HCRTR1: variants seen among roughly 807,000 people sequenced by gnomAD.
HCRTR1 encodes hypocretin receptor 1, also known as orexin/Hypocretin receptor type 1.
A neutral mutation model predicts 40.6 loss-of-function variants in HCRTR1; 28 were observed. The ratio of observed to expected loss-of-function variants is 0.69; its 90% CI spans 0.51 to 0.95. HCRTR1 has a LOEUF of 0.95. Among genes scored for constraint, HCRTR1 ranks in the 40% least tolerant of loss-of-function variants. The probability of loss-of-function intolerance (pLI) is 0.00; values close to 1 mark genes in which losing one functional copy is unlikely to be tolerated. For synonymous variants in HCRTR1, 209 were observed against 230.0 expected (o/e 0.91, Z 0.83); for missense variants, 482 against 564.7 (o/e 0.85, Z 1.48).
In HCRTR1 at chr1:31,619,597, T is replaced by C. The variant is rs1307483513; in HGVS notation, c.265T>C (p.Ser89Pro). The change falls in exon 4 of 9, where the codon TCC (serine) becomes CCC (proline). Residue 89 changes from serine (S) to proline (P), a missense_variant. Coordinates refer to ENST00000403528, the MANE Select transcript of HCRTR1 (RefSeq NM_001525.3). The part of the protein sequence containing the change: ...TVTNYFIVNL[S>P]LADVLVTAIC... Reference sequence around the variant, plus strand: ...CACCAACTACTTCATTGTCAACCTGTCCCTGGCTGACGTTCTGGTGACTGC... The same window carrying C: ...CACCAACTACTTCATTGTCAACCTGCCCCTGGCTGACGTTCTGGTGACTGC... 1.2e-6 allele frequency: 2 copies of C among 1,614,080 alleles called. No homozygotes were observed. The highest frequency in any genetic ancestry group is 1.7e-5 in the Admixed American group (1 of 60,012).
downstream of HCRTR1, among the ~76,000 whole-genome samples, chr1:31,631,466 C>T (rs1640101507): frequency 6.6e-6 from 1 of 152,180 alleles, no homozygotes; most frequent in Non-Finnish European, 1.5e-5. Context: ...CACTGGGATG[C>T]TTCCTTCCTT....
rs756675185 is a variant in HCRTR1 at position 31,621,105 on chromosome 1, A to C, written c.622+19A>C. 2 of 1,593,602 alleles carry C rather than the reference A, an allele frequency of 1.3e-6. No individual in the cohort carries two copies. The highest frequency in any genetic ancestry group is 2.2e-5 in the South Asian group (2 of 90,440). On this transcript the variant is annotated intron_variant, in intron 5 of 8. Transcript: ENST00000403528. ...TGGGCAGGTAATGGTGGAAGCCTCA[A>C]GCAGGCATCCCCTCAGGTGGGCACT...
chr1:31,633,110 T>C (rs749706157), downstream of HCRTR1: 2 of 1,574,272 alleles, frequency 1.3e-6, no homozygotes, highest in East Asian at 4.5e-5. Context: ...CTGTCCACTA[T>C]CAGGTGGCTC....
downstream of HCRTR1, among the ~76,000 whole-genome samples, chr1:31,628,649 CAAAG>C (rs1263410246): frequency 6.6e-6 from 1 of 152,228 alleles, no homozygotes; most frequent in Non-Finnish European, 1.5e-5. Flanking sequence ...TCAGTGGGAA[CAAAG>C]AAACAACAGG....
rs1482342936 is a variant in HCRTR1 at position 31,619,251 on chromosome 1, C to T, written c.59C>T (p.Pro20Leu). ...GGGGTCCCCCCTGGCAGCAGAGAGC[C>T]GTCCCCTGTGCCTCCAGACTATGAA... ...QMGVPPGSRE[P>L]SPVPPDYEDE... Residue 20 changes from proline (P) to leucine (L), a missense_variant, in exon 3 of 9, where the codon CCG (proline) becomes CTG (leucine). By Grantham distance (98) the Pro-to-Leu change is moderately conservative. Coordinates refer to ENST00000403528, the MANE Select transcript of HCRTR1 (RefSeq NM_001525.3). 4 of 1,613,884 alleles carry T rather than the reference C, an allele frequency of 2.5e-6. No individual in the cohort carries two copies. The highest frequency in any genetic ancestry group is 3.4e-6 in the Non-Finnish European group (4 of 1,180,026).
chr1:31,621,325 A>G, intron 5 of HCRTR1, 152 bp from the exon 6 acceptor site: 2 of 794,858 alleles, frequency 2.5e-6, no homozygotes, highest in East Asian at 4.9e-5. Context: ...AAGTTGGACA[A>G]CTCCAGGGTC....
At chr1:31,621,647 G>A (rs1271401335) in intron 6 of HCRTR1, 55 bp downstream of exon 6, 2 of 1,258,398 alleles carry the variant, frequency 1.6e-6, no homozygotes, top group East Asian at 4.6e-5. Flanking sequence ...CTGGGGGTGG[G>A]AGGGCTACTG....
chr1:31,634,079 T>C (rs1165767288), downstream of HCRTR1, among the ~76,000 whole-genome samples: 1 of 152,084 alleles, frequency 6.6e-6, no homozygotes, highest in Non-Finnish European at 1.5e-5. Context: ...CCATGGGCAG[T>C]TGTGGAGGAC....
Position 31,625,076 on chromosome 1 carries a change from G to A in HCRTR1, c.1045G>A (p.Ala349Thr), listed in dbSNP as rs200448936. The change falls in exon 8 of 9, where the codon GCC (alanine) becomes ACC (threonine). Residue 349 changes from alanine to threonine, a missense_variant. Transcript: ENST00000403528. This position sits in a 1 kb window ranked among gnomAD's most constrained non-coding sequence, Gnocchi z 4.2. ...CFTFSHWLVY[A>T]NSAANPIIYN... is the part of the protein sequence containing the mutation. ...CACCTTCTCCCACTGGCTGGTGTAC[G>A]CCAACAGCGCTGCCAACCCCATCAT... 8.7e-6 allele frequency: 14 copies of A among 1,612,182 alleles called. No individual in the cohort carries two copies. Among genetic ancestry groups the A allele is most frequent in the Admixed American group, 5.0e-5 (3 of 59,834 alleles).
downstream of HCRTR1, chr1:31,633,150 G>A (rs775591879): frequency 6.2e-7 from 1 of 1,611,624 alleles, no homozygotes; most frequent in East Asian, 2.2e-5. Flanking sequence ...GGGCAAGGCG[G>A]AGACTCACTT....
intron 5 of HCRTR1, 28 bp downstream of exon 5, chr1:31,621,114 C>T: frequency 6.3e-7 from 1 of 1,589,090 alleles, no homozygotes. Context: ...AAGCAGGCAT[C>T]CCCTCAGGTG....
At chr1:31,634,045 C>T (rs1376868178), downstream of HCRTR1, among the ~76,000 whole-genome samples, 3 of 152,128 alleles carry the variant, frequency 2.0e-5, no homozygotes, top group South Asian at 2.1e-4. Flanking sequence ...TGGCCACAAT[C>T]GGGGTCCCTT....
At chr1:31,622,675 C>T (rs1314469596) in intron 6 of HCRTR1, among the ~76,000 whole-genome samples, 1 of 152,184 alleles carries the variant, frequency 6.6e-6, no homozygotes, top group African/African-American at 2.4e-5. Context: ...AGCCCCATGC[C>T]CCTCTGTGGT....
In HCRTR1 at chr1:31,618,822, T is replaced by C. The variant is rs879927373; in HGVS notation, c.-143+6T>C. 2.8e-5 allele frequency: 8 copies of C among 287,194 alleles called. No homozygotes were observed. The highest frequency in any genetic ancestry group is 4.9e-5 in the Admixed American group (1 of 20,362). The allele number at this position is 287,194 out of a possible 1,614,324, so 17.8% of individuals were successfully genotyped here. A position where few individuals can be genotyped will look rare whatever the true frequency, so the allele number is the denominator to read the frequency against. On this transcript the variant is annotated splice_donor_region_variant and intron_variant, in intron 2 of 8. Transcript: ENST00000403528. ...CCTCATCGTGGTCCTGTAAGGTATG[T>C]AGGGCTGTCACCCCATTAGACAGAT...
chr1:31,620,730 T>C, intron 4 of HCRTR1, 113 bp from the exon 5 acceptor site: 1 of 1,344,152 alleles, frequency 7.4e-7, no homozygotes, highest in Non-Finnish European at 1.0e-6. Flanking sequence ...AGCCAGTAAG[T>C]GGTGGAGTCA....
chr1:31,630,851 G>T (rs775229794), downstream of HCRTR1: 14 of 1,597,358 alleles, frequency 8.8e-6, no homozygotes, highest in Non-Finnish European at 1.1e-5. Context: ...AGCTGGAGAA[G>T]AGGGGCACAC....
chr1:31,622,933 T>G (rs4949449), intron 6 of HCRTR1, among the ~76,000 whole-genome samples: 76,890 of 152,068 alleles, frequency 0.51, 21,166 homozygotes, highest in Non-Finnish European at 0.62. Context: ...CTTGTCAAGG[T>G]TCCCCACCTC....
rs890528563 is a variant in HCRTR1 at position 31,626,411 on chromosome 1, G to A, written c.1088-379G>A. ...CAAATGCAAAAGGGCTGCTGCTGCC[G>A]TCATTTTCATCATCAAAGGGCAGAG... On this transcript the variant is annotated intron_variant, in intron 8 of 8. Transcript: ENST00000403528. The surrounding 1 kb of genome is among the most constrained non-coding windows in gnomAD (Gnocchi z 4.6). Among the ~76,000 whole-genome samples, 5 of 152,186 alleles carry A rather than the reference G, an allele frequency of 3.3e-5. No individual in the cohort carries two copies. Among genetic ancestry groups the A allele is most frequent in the South Asian group, 2.1e-4 (1 of 4,836 alleles).
At position 31,625,511 on chromosome 1, in the gene HCRTR1, AG is replaced by A. The variant is rs1226899953; in HGVS notation, c.1087+395del. Among the ~76,000 whole-genome samples the A allele has an allele frequency of 1.3e-4, 20 of 152,286 alleles. No individual in the cohort carries two copies. The highest frequency in any genetic ancestry group is 3.4e-3 in the Middle Eastern group (1 of 294). On this transcript the variant is annotated intron_variant, in intron 8 of 8. Coordinates refer to ENST00000403528, the MANE Select transcript of HCRTR1 (RefSeq NM_001525.3). The surrounding 1 kb of genome is among the most constrained non-coding windows in gnomAD (Gnocchi z 4.2). Reference sequence around the variant, plus strand: ...AGGAGGGCCCTGGAGCCCCTGCCCGAGGAAGGATTGCACAGTCCAGGTGTCA... The same window carrying A: ...AGGAGGGCCCTGGAGCCCCTGCCCGAGAAGGATTGCACAGTCCAGGTGTCA...
Sources: gnomAD v4.1 joint callset for allele counts (sites outside exome capture counted in the v4.1 genomes callset) on GRCh38, gnomAD v4.1.1 for gene constraint, Gnocchi (gnomAD v3.1) non-coding constraint, MANE v1.5 for transcripts, NCBI Gene and HGNC (gene_info 2026-07-23, HGNC 2026-07-21) for gene names.